The following VPS13B variants were observed in gnomAD, a reference collection of about 807,000 sequenced individuals.
The protein encoded by VPS13B is intermembrane lipid transfer protein VPS13B.
VPS13B carries 285 observed loss-of-function variants against 426.4 expected under a neutral mutation model. That is an observed-to-expected ratio of 0.67 (90% CI 0.61 to 0.74). VPS13B has a LOEUF of 0.74. Ranked by LOEUF, VPS13B falls within the 30% of genes least tolerant of loss-of-function variation. The probability of loss-of-function intolerance (pLI) is 0.00; values close to 1 mark genes in which losing one functional copy is unlikely to be tolerated. For synonymous variants in VPS13B, 1,676 were observed against 1,676.4 expected, an observed-to-expected ratio of 1.00 and a Z score of 0.01; for missense variants, 4,537 against 4,782.6, an observed-to-expected ratio of 0.95 and a Z score of 1.51.
intron 19 of VPS13B, among the ~76,000 whole-genome samples, chr8:99,278,761 G>A (rs909962497): frequency 6.6e-6 from 1 of 152,170 alleles, no homozygotes; most frequent in Non-Finnish European, 1.5e-5. Flanking sequence ...TGTCAAAAGA[G>A]CCACACTGTC....
At chr8:99,447,119 C>T (rs1233885445) in intron 23 of VPS13B, among the ~76,000 whole-genome samples, 1 of 152,110 alleles carries the variant, frequency 6.6e-6, no homozygotes, top group East Asian at 1.9e-4. Context: ...TTCTGTGCTA[C>T]TTATTTTCCT....
chr8:99,322,612 A>C (rs566698311), intron 19 of VPS13B, among the ~76,000 whole-genome samples: 1 of 152,248 alleles, frequency 6.6e-6, no homozygotes, highest in African/African-American at 2.4e-5. Flanking sequence ...GGAGTTTAAC[A>C]TGAATGCAAT....
intron 17 of VPS13B, among the ~76,000 whole-genome samples, chr8:99,216,444 T>C (rs144967813): frequency 1.8e-4 from 28 of 152,228 alleles, no homozygotes; most frequent in African/African-American, 6.7e-4. Flanking sequence ...AATTGTTTAC[T>C]GTCTTTTCTT....
chr8:99,270,242 A>C (rs1818517495), intron 17 of VPS13B, among the ~76,000 whole-genome samples: 1 of 142,182 alleles, frequency 7.0e-6, no homozygotes, highest in African/African-American at 2.6e-5. Flanking sequence ...AGGCTCAGGC[A>C]ATTTTTGTGC....
chr8:99,146,197 GTCA>G (rs1810718515), intron 13 of VPS13B, among the ~76,000 whole-genome samples: 1 of 152,152 alleles, frequency 6.6e-6, no homozygotes, highest in Non-Finnish European at 1.5e-5. Flanking sequence ...ACTCAAGTAT[GTCA>G]TCATTTTGAA....
At chr8:99,055,083 G>A (rs1431747597) in intron 3 of VPS13B, among the ~76,000 whole-genome samples, 2 of 146,466 alleles carry the variant, frequency 1.4e-5, no homozygotes, top group Non-Finnish European at 3.0e-5. Flanking sequence ...TGTTCCACAG[G>A]CTGGCATGCA....
rs1824580005 is a variant in VPS13B at position 99,556,592 on chromosome 8, G to T, written c.4888G>T (p.Val1630Leu). ...AGAGAAGGAAAGTGTCTCAGGAGGG[G>T]TGGTAACAGAGACTGAAAGGAATTC... ...KPEKESVSGG[V>L]VTETERNSQN... is the part of the protein sequence containing the mutation. The change falls in exon 31 of 62, where the codon GTG becomes TTG. Residue 1630 changes from valine (V) to leucine (L), a missense_variant. Coordinates refer to ENST00000357162, the MANE Select transcript of VPS13B (RefSeq NM_152564.5). 7 of 1,613,128 alleles carry T rather than the reference G, an allele frequency of 4.3e-6. No homozygotes were observed. In the Admixed American group the frequency reaches 6.7e-5, roughly 15 times the overall value.
chr8:99,425,352 C>A (rs548564517), intron 21 of VPS13B, among the ~76,000 whole-genome samples: 6 of 152,196 alleles, frequency 3.9e-5, no homozygotes, highest in African/African-American at 9.6e-5. Context: ...CAGCACATCA[C>A]AAAGCTTATC....
At chr8:99,191,032 T>G (rs1320290977) in intron 16 of VPS13B, among the ~76,000 whole-genome samples, 2 of 152,088 alleles carry the variant, frequency 1.3e-5, no homozygotes, top group African/African-American at 4.8e-5. Context: ...TTGCTAACAT[T>G]TTTGAAAGTT....
chr8:99,053,124 A>G (rs1242725686), intron 3 of VPS13B, among the ~76,000 whole-genome samples: 1 of 151,174 alleles, frequency 6.6e-6, no homozygotes, highest in African/African-American at 2.4e-5. Flanking sequence ...TTTTTTAATT[A>G]TTTAATTATT....
chr8:99,829,862 G>C (rs1288518995), intron 51 of VPS13B, among the ~76,000 whole-genome samples: 1 of 152,186 alleles, frequency 6.6e-6, no homozygotes, highest in East Asian at 1.9e-4. Context: ...CCCCTCTTCT[G>C]TAGGTCTGCT....
rs192882503 is a variant in VPS13B at position 99,313,240 on chromosome 8, C to T, written c.2824+37986C>T. 7.5e-4 allele frequency among the ~76,000 whole-genome samples: 114 copies of T among 152,284 alleles called. No individual in the cohort carries two copies. In the Middle Eastern group the frequency reaches 0.01, roughly 14 times the overall value. The stretch of plus-strand genomic sequence containing the variant: ...CTGCGTTCCTTTGGAGGGGGAGAAG[C>T]GCTCTGATTTTTAGAATTTTCAGCT... On this transcript the variant is annotated intron_variant, in intron 19 of 61. Coordinates refer to ENST00000357162, the MANE Select transcript of VPS13B (RefSeq NM_152564.5).
chr8:99,266,249 T>C (rs1400320260), intron 17 of VPS13B, among the ~76,000 whole-genome samples: 1 of 150,974 alleles, frequency 6.6e-6, no homozygotes, highest in Non-Finnish European at 1.5e-5. Flanking sequence ...TGAGACCCTG[T>C]CTCTACAAAA....
At chr8:99,187,841 A>C in intron 16 of VPS13B, among the ~76,000 whole-genome samples, 1 of 150,948 alleles carries the variant, frequency 6.6e-6, no homozygotes, top group South Asian at 2.1e-4. Flanking sequence ...GCTGGTATGC[A>C]CCCATTGTCC....
chr8:99,275,250 T>A lies in VPS13B; in HGVS notation c.2820T>A (p.Asn940Lys), dbSNP rs1344877323. The A allele has an allele frequency of 6.2e-7, 1 of 1,610,012 alleles. No homozygotes were observed. The highest frequency in any genetic ancestry group is 1.3e-5 in the African/African-American group (1 of 74,514). The change falls in exon 19 of 62, where the codon AAT (asparagine) becomes AAA (lysine). Residue 940 changes from asparagine (N) to lysine (K), a missense_variant. By Grantham distance (94) the Asn-to-Lys change is moderately conservative. Transcript: ENST00000357162. ...CACAATATATTGACTACTGCCACAA[T>A]TCCGGTAAGTACAAACCTATCATTA... ...QVPQYIDYCH[N>K]SGAVLLCSIQ...
chr8:99,853,420 G>A (rs755888299), intron 55 of VPS13B, 31 bp from the exon 56 acceptor site: 2 of 1,609,172 alleles, frequency 1.2e-6, no homozygotes, highest in Non-Finnish European at 1.7e-6. Flanking sequence ...GTGAGTGGGG[G>A]GACTAATGTT....
rs139214812 is a variant in VPS13B, at chr8:99,332,415, A to G, written c.2825-51793A>G. On this transcript the variant is annotated intron_variant, in intron 19 of 61. Coordinates refer to ENST00000357162, the MANE Select transcript of VPS13B (RefSeq NM_152564.5). ...CTTTTCATATATGGCCACTTTATGC[A>G]AGTAAGAGAACAGTTAATTTTTTTT... Among the ~76,000 whole-genome samples the G allele has an allele frequency of 1.8e-3, 267 of 151,832 alleles. 2 individuals are homozygous for G. In the East Asian group the frequency reaches 0.047, roughly 27 times the overall value.
At chr8:99,373,038 A>T (rs1813279361) in intron 19 of VPS13B, among the ~76,000 whole-genome samples, 1 of 152,220 alleles carries the variant, frequency 6.6e-6, no homozygotes, top group Non-Finnish European at 1.5e-5. Flanking sequence ...GCTGGAAGCC[A>T]TCATTCTGAG....
intron 51 of VPS13B, among the ~76,000 whole-genome samples, chr8:99,829,757 T>A (rs892405174): frequency 1.3e-5 from 2 of 152,256 alleles, no homozygotes; most frequent in African/African-American, 4.8e-5. Flanking sequence ...TCTTTGATGC[T>A]GGTGACCTTC....
Sources: allele counts gnomAD v4.1 joint callset (sites outside exome capture counted in the v4.1 genomes callset), GRCh38; gene constraint gnomAD v4.1.1; transcripts MANE v1.5; gene names NCBI Gene and HGNC (gene_info 2026-07-23, HGNC 2026-07-21).